Variants in ITGB4 observed in about 807,000 individuals in gnomAD.
ITGB4 encodes the protein integrin subunit beta 4.
In ITGB4, 159 loss-of-function variants were observed where a neutral mutation model predicts 207.6. That is an observed-to-expected ratio of 0.77 (90% CI 0.67 to 0.87). The LOEUF (loss-of-function observed/expected upper bound fraction) is 0.87. Ranked by LOEUF, ITGB4 falls within the 40% of genes least tolerant of loss-of-function variation. ITGB4 has a pLI of 0.00. For missense variants in ITGB4, 2,278 were observed against 2,546.8 expected (o/e 0.89, Z 2.27); for synonymous variants, 1,020 against 1,062.7 (o/e 0.96, Z 0.78).
At chr17:75,755,563 T>C in intron 34 of ITGB4, 138 bp from the exon 35 acceptor site, 2 of 1,100,592 alleles carry the variant, frequency 1.8e-6, no homozygotes, top group Middle Eastern at 4.0e-4. Context: ...GACAGGGTGT[T>C]GCAGGGTGAG....
chr17:75,749,319 G>A (rs2061311281), intron 27 of ITGB4, among the ~76,000 whole-genome samples: 1 of 152,132 alleles, frequency 6.6e-6, no homozygotes, highest in African/African-American at 2.4e-5. Flanking sequence ...CTTGAGCCCA[G>A]GAGTTCTAGA....
In ITGB4 at chr17:75,729,146, G is replaced by T. The variant is rs547921943; in HGVS notation, c.567-119G>T. 23 of 892,372 alleles carry T rather than the reference G, an allele frequency of 2.6e-5. No homozygotes were observed. Among genetic ancestry groups the T allele is most frequent in the Admixed American group, 1.7e-4 (6 of 35,220 alleles). The allele number at this position is 892,372 out of a possible 1,614,324, so 55.3% of individuals were successfully genotyped here. A position where few individuals can be genotyped will look rare whatever the true frequency, so the allele number is the denominator to read the frequency against. On this transcript the variant is annotated intron_variant, in intron 6 of 39. Coordinates refer to ENST00000200181, the MANE Select transcript of ITGB4 (RefSeq NM_000213.5). This position sits in a 1 kb window ranked among gnomAD's most constrained non-coding sequence, Gnocchi z 4.4. The stretch of plus-strand genomic sequence containing the variant: ...CGCACACCAGCCTGGGTGATAAAGC[G>T]AGACTTGGTCTCAAAAAAAAAAAAA...
intron 18 of ITGB4, 54 bp downstream of exon 18, chr17:75,737,698 C>A: frequency 2.1e-6 from 3 of 1,439,902 alleles, no homozygotes; most frequent in Non-Finnish European, 2.9e-6. Context: ...CCCACCCCAA[C>A]AGGGCCCCCA....
rs142172735 is a variant in ITGB4 at position 75,743,750 on chromosome 17, G to A, written c.3000G>A (p.Ser1000=). ...TGTCCTTTGAGCAGCCTGAGTTCTCGGTCAGCCGCGGGGACCAGGTGGCCC... is the reference window on the plus strand; with the variant it reads ...TGTCCTTTGAGCAGCCTGAGTTCTCAGTCAGCCGCGGGGACCAGGTGGCCC... ...DVVSFEQPEF[S]VSRGDQVARI... The change falls in exon 26 of 40, where the codon TCG becomes TCA. Residue 1000 remains serine, a synonymous_variant. Coordinates refer to ENST00000200181, the MANE Select transcript of ITGB4 (RefSeq NM_000213.5). The A allele has an allele frequency of 9.9e-6, 16 of 1,613,528 alleles. No homozygotes were observed. Among genetic ancestry groups the A allele is most frequent in the African/African-American group, 5.3e-5 (4 of 75,036 alleles).
At position 75,742,803 on chromosome 17, in the gene ITGB4, CG is replaced by C; in HGVS notation, c.2962+47del. On this transcript the variant is annotated intron_variant, in intron 25 of 39. Transcript: ENST00000200181. This position sits in a 1 kb window ranked among gnomAD's most constrained non-coding sequence, Gnocchi z 5.9. Reference sequence around the variant, plus strand: ...AGAGTGGGGAAGGCAGACGGGGGCTCGGGGGCACTGGTTCCTCCTGCTTAAG... The same window carrying C: ...AGAGTGGGGAAGGCAGACGGGGGCTCGGGGCACTGGTTCCTCCTGCTTAAG... The C allele has an allele frequency of 1.9e-6, 3 of 1,562,814 alleles. No homozygotes were observed. Among genetic ancestry groups the C allele is most frequent in the Non-Finnish European group, 1.7e-6 (2 of 1,153,620 alleles).
Position 75,732,287 on chromosome 17 carries a change from T to C in ITGB4, c.1454+48T>C, listed in dbSNP as rs1162249812. 6.4e-7 allele frequency: 1 copy of C among 1,564,252 alleles called. No individual in the cohort carries two copies. Among genetic ancestry groups the C allele is most frequent in the Non-Finnish European group, 8.8e-7 (1 of 1,135,424 alleles). The stretch of plus-strand genomic sequence containing the variant: ...CACCCAGGACACCAGTGGCCCCTGA[T>C]GGGAAAGCTGGGCTCCTGCAGGGGC... On this transcript the variant is annotated intron_variant, in intron 12 of 39. Coordinates refer to ENST00000200181, the MANE Select transcript of ITGB4 (RefSeq NM_000213.5). This position sits in a 1 kb window ranked among gnomAD's most constrained non-coding sequence, Gnocchi z 5.3.
rs1339068141 is a variant in ITGB4, at chr17:75,729,792, G to C, written c.738+356G>C. Among the ~76,000 whole-genome samples the C allele has an allele frequency of 6.6e-6, 1 of 152,206 alleles. No individual in the cohort carries two copies. Among genetic ancestry groups the C allele is most frequent in the African/African-American group, 2.4e-5 (1 of 41,444 alleles). ...GGCATCCAAATAAGCCATTTCCTTT[G>C]ATATGTACATCCATTTGTTCATTCT... On this transcript the variant is annotated intron_variant, in intron 7 of 39. Transcript: ENST00000200181. This position sits in a 1 kb window ranked among gnomAD's most constrained non-coding sequence, Gnocchi z 4.4.
At position 75,740,070 on chromosome 17, in the gene ITGB4, G is replaced by A. The variant is rs1460939196; in HGVS notation, c.2445G>A (p.Leu815=). The A allele has an allele frequency of 1.9e-6, 3 of 1,610,816 alleles. No homozygotes were observed. Among genetic ancestry groups the A allele is most frequent in the Non-Finnish European group, 2.5e-6 (3 of 1,178,910 alleles). ...CCGCCAGCATCAACCCCACAGAGCT[G>A]GGTGAGGGCGGGGCTGGGCGCCACA... is the stretch of plus-strand genomic sequence containing the variant. ...THAASINPTE[L]VPYGLSLRLA... The change falls in exon 20 of 40, where the codon CTG becomes CTA. Residue 815 remains leucine, a splice_region_variant and synonymous_variant. Coordinates refer to ENST00000200181, the MANE Select transcript of ITGB4 (RefSeq NM_000213.5). This position sits in a 1 kb window ranked among gnomAD's most constrained non-coding sequence, Gnocchi z 5.9.
intron 26 of ITGB4, among the ~76,000 whole-genome samples, chr17:75,745,317 C>A (rs1352639688): frequency 2.0e-5 from 3 of 151,940 alleles, no homozygotes; most frequent in African/African-American, 7.3e-5. Flanking sequence ...CACTTGAGGC[C>A]AGGAGGTTGA....
At chr17:75,726,028 G>A (rs12603605) in intron 2 of ITGB4, among the ~76,000 whole-genome samples, 18,864 of 152,296 alleles carry the variant, frequency 0.12, 1,250 homozygotes, top group Non-Finnish European at 0.15. Context: ...TGCCAGCACC[G>A]AGTGTGCCAG....
chr17:75,725,014 G>T (rs2060689737), intron 2 of ITGB4, among the ~76,000 whole-genome samples: 1 of 152,238 alleles, frequency 6.6e-6, no homozygotes, highest in Non-Finnish European at 1.5e-5. Context: ...TGTGTCTAGA[G>T]GAAAGAGGAG....
At position 75,736,707 on chromosome 17, in the gene ITGB4, G is replaced by T; in HGVS notation, c.1990+13G>T. The T allele has an allele frequency of 1.3e-6, 2 of 1,589,046 alleles. No homozygotes were observed. Among genetic ancestry groups the T allele is most frequent in the South Asian group, 1.2e-5 (1 of 86,906 alleles). On this transcript the variant is annotated intron_variant, in intron 16 of 39. Transcript: ENST00000200181. ...GAGCTTAAGAGAGGTAGGGGCAGGG[G>T]CTGAGGGTTGGGGTTGCTGAGAGCC...
rs768715637 is a variant in ITGB4, at chr17:75,740,603, G to A, written c.2550+142G>A. Reference sequence around the variant, plus strand: ...TCTCTGGACCTGTGCCTGGCAGGGGGCATCCTGGGATCTGTTTCCAGAGGG... The same window carrying A: ...TCTCTGGACCTGTGCCTGGCAGGGGACATCCTGGGATCTGTTTCCAGAGGG... On this transcript the variant is annotated intron_variant, in intron 21 of 39. Coordinates refer to ENST00000200181, the MANE Select transcript of ITGB4 (RefSeq NM_000213.5). The surrounding 1 kb of genome is among the most constrained non-coding windows in gnomAD (Gnocchi z 5.9). The A allele has an allele frequency of 4.6e-4, 435 of 946,648 alleles. No homozygotes were observed. The highest frequency in any genetic ancestry group is 6.0e-4 in the Non-Finnish European group (363 of 600,286). 58.6% of individuals were successfully genotyped at this position (946,648 alleles called of 1,614,324 possible).
chr17:75,729,572 C>T lies in ITGB4; in HGVS notation c.738+136C>T. On this transcript the variant is annotated intron_variant, in intron 7 of 39. Transcript: ENST00000200181. The surrounding 1 kb of genome is among the most constrained non-coding windows in gnomAD (Gnocchi z 4.4). The stretch of plus-strand genomic sequence containing the variant: ...AAAGCCTGGGAGCCTGCAACCCCTT[C>T]ACCCTGAGACAAGCTCAGACTCTGT... The T allele has an allele frequency of 1.2e-6, 1 of 857,984 alleles. No individual in the cohort carries two copies. The highest frequency in any genetic ancestry group is 2.9e-5 in the Admixed American group (1 of 34,244). The allele number at this position is 857,984 out of a possible 1,614,324, so 53.1% of individuals were successfully genotyped here.
rs2061505459 is a variant in ITGB4 at position 75,756,458 on chromosome 17, C to T, written c.4738C>T (p.Pro1580Ser). 1.2e-6 allele frequency: 2 copies of T among 1,613,380 alleles called. No individual in the cohort carries two copies. Among genetic ancestry groups the T allele is most frequent in the Non-Finnish European group, 1.7e-6 (2 of 1,179,986 alleles). The change falls in exon 36 of 40, where the codon CCT becomes TCT. Residue 1580 changes from proline (P) to serine (S), a missense_variant. Transcript: ENST00000200181. ...GELHRLNIPN[P>S]AQTSVVVEDL... ...GCTGCATCGGCTCAACATCCCCAAC[C>T]CTGCCCAGACCTCGGTGGTGGTGGA...
In ITGB4 at chr17:75,731,677, G is replaced by A. The variant is rs947790646; in HGVS notation, c.1216-135G>A. The A allele has an allele frequency of 2.4e-5, 24 of 997,324 alleles. No individual in the cohort carries two copies. Among genetic ancestry groups the A allele is most frequent in the Non-Finnish European group, 2.7e-5 (19 of 696,316 alleles). 61.8% of individuals were successfully genotyped at this position (997,324 alleles called of 1,614,324 possible). ...TGGGAAGGAGGGAGTTTCCAGCCCT[G>A]AGGGAGGTGAGCAGGAGCTCATTTC... On this transcript the variant is annotated intron_variant, in intron 10 of 39. Transcript: ENST00000200181. The surrounding 1 kb of genome is among the most constrained non-coding windows in gnomAD (Gnocchi z 6.8).
At position 75,750,045 on chromosome 17, in the gene ITGB4, T is replaced by C; in HGVS notation, c.3317-66T>C. On this transcript the variant is annotated intron_variant, in intron 27 of 39. Coordinates refer to ENST00000200181, the MANE Select transcript of ITGB4 (RefSeq NM_000213.5). The surrounding 1 kb of genome is among the most constrained non-coding windows in gnomAD (Gnocchi z 5.5). Reference sequence around the variant, plus strand: ...AGAGCGCCCTGGGTGTTGAAGTGGGTCTCTGGCGCCCCCTGGTGGTGAAGG... The same window carrying C: ...AGAGCGCCCTGGGTGTTGAAGTGGGCCTCTGGCGCCCCCTGGTGGTGAAGG... 1 of 1,602,108 alleles carries C rather than the reference T, an allele frequency of 6.2e-7. No individual in the cohort carries two copies. Among genetic ancestry groups the C allele is most frequent in the Non-Finnish European group, 8.5e-7 (1 of 1,170,302 alleles).
chr17:75,736,731 C>T (rs1309631531), intron 16 of ITGB4, 37 bp downstream of exon 16: 6 of 1,573,716 alleles, frequency 3.8e-6, no homozygotes, highest in Non-Finnish European at 5.2e-6. Context: ...TTGCTGAGAG[C>T]CTAGGCAGCG....
chr17:75,749,427 CTG>C (rs1283399213), intron 27 of ITGB4, among the ~76,000 whole-genome samples: 6 of 152,108 alleles, frequency 3.9e-5, no homozygotes, highest in African/African-American at 1.4e-4. Context: ...ATTCCGGAGA[CTG>C]AGGTGGGAGG....
Sources: gnomAD v4.1 joint callset for allele counts (sites outside exome capture counted in the v4.1 genomes callset) on GRCh38, gnomAD v4.1.1 for gene constraint, Gnocchi (gnomAD v3.1) non-coding constraint, MANE v1.5 for transcripts, NCBI Gene and HGNC (gene_info 2026-07-23, HGNC 2026-07-21) for gene names.